HFM1: variants seen among roughly 807,000 people sequenced by gnomAD.
HFM1 encodes helicase for meiosis 1, also known as probable ATP-dependent DNA helicase HFM1.
A neutral mutation model predicts 192.1 loss-of-function variants in HFM1; 169 were observed. That is an observed-to-expected ratio of 0.88 (90% CI 0.78 to 1.00). The LOEUF (loss-of-function observed/expected upper bound fraction) is 1.00. Among genes scored for constraint, HFM1 ranks in the 50% least tolerant of loss-of-function variants. HFM1 has a pLI of 0.00. For synonymous variants in HFM1, 525 were observed against 537.8 expected, an observed-to-expected ratio of 0.98 and a Z score of 0.33; for missense variants, 1,661 against 1,668.0, an observed-to-expected ratio of 1.00 and a Z score of 0.07.
Position 91,385,176 on chromosome 1 carries a change from T to G in HFM1, c.802+11A>C. Reference sequence around the variant, plus strand: ...ATACAAAGCAGCTATTGTAAATAACTTAAAGGATACGAATTTCTGTGACAG... The same window carrying G: ...ATACAAAGCAGCTATTGTAAATAACGTAAAGGATACGAATTTCTGTGACAG... On this transcript the variant is annotated intron_variant, in intron 6 of 38. Transcript: ENST00000370425. 3.4e-6 allele frequency: 5 copies of G among 1,477,884 alleles called. No individual in the cohort carries two copies. Among genetic ancestry groups the G allele is most frequent in the Non-Finnish European group, 4.7e-6 (5 of 1,064,312 alleles). The allele number at this position is 1,477,884 out of a possible 1,614,324, so 91.5% of individuals were successfully genotyped here. A position where few individuals can be genotyped will look rare whatever the true frequency, so the allele number is the denominator to read the frequency against.
chr1:91,378,418 C>G lies in HFM1; in HGVS notation c.1221G>C (p.Leu407=), dbSNP rs1474369163. 2 of 1,601,730 alleles carry G rather than the reference C, an allele frequency of 1.2e-6. No individual in the cohort carries two copies. Among genetic ancestry groups the G allele is most frequent in the Middle Eastern group, 3.3e-4 (2 of 6,022 alleles). Residue 407 remains leucine (L), a synonymous_variant, in exon 10 of 39, where the codon CTG becomes CTC. Coordinates refer to ENST00000370425, the MANE Select transcript of HFM1 (RefSeq NM_001017975.6). The stretch of plus-strand genomic sequence containing the variant: ...CATTCATTACCTCATCAATGAGAAA[C>G]AGTCGAACCAGCTGAACCAAAGAGT... The part of the protein sequence containing the change: ...RDNSLVQLVR[L]FLIDEVHIVK...
intron 30 of HFM1, among the ~76,000 whole-genome samples, chr1:91,286,467 TG>T (rs1304380568): frequency 2.0e-5 from 3 of 152,184 alleles, no homozygotes; most frequent in African/African-American, 7.2e-5. Context: ...CCTCTGTCTT[TG>T]CATGGCTGTC....
intron 30 of HFM1, among the ~76,000 whole-genome samples, chr1:91,296,455 T>A (rs1647583595): frequency 6.6e-6 from 1 of 152,144 alleles, no homozygotes; most frequent in Non-Finnish European, 1.5e-5. Context: ...GTAAAGTAGG[T>A]TGCCCAATAT....
chr1:91,378,093 T>C lies in HFM1; in HGVS notation c.1327A>G (p.Lys443Glu), dbSNP rs1214363543. ...KTVQSVSQTL[K>E]NTSTAIPMRF... ...ATTGGAATAGCAGTGCTGGTATTTTTTAAAGTCTGAGAAACAGACTGTACA... is the reference window on the plus strand; with the variant it reads ...ATTGGAATAGCAGTGCTGGTATTTTCTAAAGTCTGAGAAACAGACTGTACA... Residue 443 changes from lysine to glutamate, a missense_variant, in exon 11 of 39, where the codon AAA becomes GAA. Physicochemically the swap from Lys to Glu is moderately conservative, Grantham distance 56 (BLOSUM62 1). Transcript: ENST00000370425. The C allele has an allele frequency of 6.2e-7, 1 of 1,611,950 alleles. No individual in the cohort carries two copies. The highest frequency in any genetic ancestry group is 2.2e-5 in the East Asian group (1 of 44,806).
Position 91,329,140 on chromosome 1 carries a change from G to A in HFM1, c.2336-4374C>T, listed in dbSNP as rs1247660184. ...GTGGATCTAATCCAGAAGCACAAGA[G>A]CATCGAGGAGATCGTGCAGCGACTT... On this transcript the variant is annotated intron_variant, in intron 20 of 38. Transcript: ENST00000370425. 13 of 1,609,732 alleles carry A rather than the reference G, an allele frequency of 8.1e-6. No individual in the cohort carries two copies. The Admixed American group carries it at 1.2e-4, about 14-fold the overall frequency.
Position 91,378,485 on chromosome 1 carries a change from A to G in HFM1, c.1159-5T>C, listed in dbSNP as rs1479751805. The G allele has an allele frequency of 1.9e-6, 3 of 1,566,622 alleles. No individual in the cohort carries two copies. In the African/African-American group the frequency reaches 4.1e-5, roughly 21 times the overall value. On this transcript the variant is annotated splice_polypyrimidine_tract_variant and splice_region_variant and intron_variant, in intron 9 of 38. Coordinates refer to ENST00000370425, the MANE Select transcript of HFM1 (RefSeq NM_001017975.6). ...AGTCATGCTATCCCATTTTTCCTAG[A>G]GAGAAAAAAAAGCATACAAGTAGTT...
intron 35 of HFM1, among the ~76,000 whole-genome samples, chr1:91,267,335 A>G: frequency 6.6e-6 from 1 of 152,230 alleles, no homozygotes; most frequent in Non-Finnish European, 1.5e-5. Context: ...AATAAAAGTT[A>G]TTTTCTTTGC....
At chr1:91,385,532 T>C (rs1440228704) in intron 5 of HFM1, 43 bp downstream of exon 5, 1 of 1,492,992 alleles carries the variant, frequency 6.7e-7, no homozygotes, top group African/African-American at 1.4e-5. Flanking sequence ...GAAATGTGGT[T>C]TAGTCTGTAC....
At chr1:91,369,497 G>T (rs1250858247) in intron 13 of HFM1, among the ~76,000 whole-genome samples, 3 of 151,978 alleles carry the variant, frequency 2.0e-5, no homozygotes, top group East Asian at 3.9e-4. Context: ...ATGACTACTG[G>T]GTACATAATG....
chr1:91,326,537 G>C (rs1471099509), intron 20 of HFM1, among the ~76,000 whole-genome samples: 1 of 152,132 alleles, frequency 6.6e-6, no homozygotes, highest in Non-Finnish European at 1.5e-5. Flanking sequence ...AACAATGAAG[G>C]AGAAATAAAG....
intron 30 of HFM1, among the ~76,000 whole-genome samples, chr1:91,288,382 T>A (rs79406805): frequency 1.0e-4 from 10 of 95,372 alleles, no homozygotes; most frequent in South Asian, 3.8e-4. Context: ...TTTTTTTTTT[T>A]TTTTTTTTTA....
intron 30 of HFM1, among the ~76,000 whole-genome samples, chr1:91,287,000 A>G (rs683445): frequency 1 from 151,253 of 151,526 alleles, 75,490 homozygotes; most frequent in East Asian, 1. Context: ...CACCTGGCTC[A>G]GAGGGTCCTA....
chr1:91,352,240 AAAAC>A (rs1315414955), intron 16 of HFM1, among the ~76,000 whole-genome samples: 62 of 151,766 alleles, frequency 4.1e-4, no homozygotes, highest in African/African-American at 1.4e-3. Context: ...AAAAAAAAAA[AAAAC>A]AGTCAAAATC....
At chr1:91,400,932 A>G (rs1173416053) in intron 2 of HFM1, 80 bp downstream of exon 2, 1 of 604,688 alleles carries the variant, frequency 1.7e-6, no homozygotes, top group Non-Finnish European at 2.9e-6. Flanking sequence ...TATATTTACC[A>G]GAGAGAAAGC....
intron 13 of HFM1, among the ~76,000 whole-genome samples, chr1:91,366,294 T>A (rs1171338048): frequency 6.6e-6 from 1 of 152,238 alleles, no homozygotes; most frequent in Non-Finnish European, 1.5e-5. Context: ...GGACACCAGA[T>A]ATTTCTATGT....
At chr1:91,345,638 G>A (rs566271338) in intron 19 of HFM1, among the ~76,000 whole-genome samples, 1 of 152,114 alleles carries the variant, frequency 6.6e-6, no homozygotes, top group Non-Finnish European at 1.5e-5. Context: ...AACTCAATAA[G>A]ACTAAGAGGA....
At chr1:91,264,782 C>T (rs1665589942) in intron 36 of HFM1, among the ~76,000 whole-genome samples, 1 of 152,098 alleles carries the variant, frequency 6.6e-6, no homozygotes, top group Non-Finnish European at 1.5e-5. Context: ...TCATTTCTCT[C>T]CCTTGACTTC....
At chr1:91,337,997 G>C (rs1392907210) in intron 20 of HFM1, among the ~76,000 whole-genome samples, 1 of 152,206 alleles carries the variant, frequency 6.6e-6, no homozygotes, top group Non-Finnish European at 1.5e-5. Context: ...TTGGAGGGAA[G>C]ACACAGACCC....
At chr1:91,308,718 T>G (rs946823175) in intron 30 of HFM1, among the ~76,000 whole-genome samples, 6 of 152,092 alleles carry the variant, frequency 3.9e-5, no homozygotes, top group Non-Finnish European at 7.4e-5. Context: ...CTTGACACAG[T>G]TGATTATCAG....
Sources: allele counts gnomAD v4.1 joint callset (sites outside exome capture counted in the v4.1 genomes callset), GRCh38; gene constraint gnomAD v4.1.1; transcripts MANE v1.5; gene names NCBI Gene and HGNC (gene_info 2026-07-23, HGNC 2026-07-21).